FANCM: variants seen among roughly 807,000 people sequenced by gnomAD.
The protein encoded by FANCM is FA complementation group M.
Under a neutral mutation model 199.5 loss-of-function variants are expected in FANCM, and 140 were observed. The ratio of observed to expected loss-of-function variants is 0.70; its 90% CI spans 0.61 to 0.81. The LOEUF (loss-of-function observed/expected upper bound fraction) is 0.81. Ranked by LOEUF, FANCM falls within the 30% of genes least tolerant of loss-of-function variation. FANCM has a pLI of 0.00. For synonymous variants in FANCM, 840 were observed against 836.8 expected (o/e 1.00, Z -0.07); for missense variants, 2,410 against 2,421.4 (o/e 1.00, Z 0.10).
intron 6 of FANCM, 62 bp from the exon 7 acceptor site, chr14:45,154,631 TAATA>T (rs969288463): frequency 1.5e-5 from 17 of 1,110,288 alleles, no homozygotes; most frequent in South Asian, 1.1e-4. Flanking sequence ...AATTTCTTTT[TAATA>T]AATAATACAT....
intron 13 of FANCM, 92 bp downstream of exon 13, chr14:45,173,302 A>G (rs1183236186): frequency 8.3e-7 from 1 of 1,200,620 alleles, no homozygotes; most frequent in African/African-American, 1.5e-5. Context: ...AATAAGAAAT[A>G]CTTTGTTTTT....
Position 45,188,954 on chromosome 14 carries a change from A to T in FANCM, c.4932A>T (p.Arg1644=), listed in dbSNP as rs1889582783. The change falls in exon 20 of 23, where the codon CGA becomes CGT. Residue 1644 remains arginine (R), a synonymous_variant. Transcript: ENST00000267430. ...CAAATAGTAAAAAGTATAAAACTCGACGTGCAGTAATGCTAAAAGAAATGA... is the reference window on the plus strand; with the variant it reads ...CAAATAGTAAAAAGTATAAAACTCGTCGTGCAGTAATGCTAAAAGAAATGA... ...CFANSKKYKT[R]RAVMLKEMME... 3.7e-6 allele frequency: 6 copies of T among 1,614,062 alleles called. No homozygotes were observed. Among genetic ancestry groups the T allele is most frequent in the Non-Finnish European group, 5.1e-6 (6 of 1,179,966 alleles).
At chr14:45,186,355 G>T (rs184323274) in intron 18 of FANCM, among the ~76,000 whole-genome samples, 2 of 152,318 alleles carry the variant, frequency 1.3e-5, no homozygotes, top group Admixed American at 1.3e-4. Context: ...TTTACTTTCA[G>T]AAAACAGTGT....
chr14:45,138,318 T>C (rs1885668923), intron 2 of FANCM, among the ~76,000 whole-genome samples: 1 of 152,170 alleles, frequency 6.6e-6, no homozygotes, highest in African/African-American at 2.4e-5. Context: ...AGACATGAAT[T>C]TCTCTGCCAG....
intron 2 of FANCM, among the ~76,000 whole-genome samples, chr14:45,138,830 A>G (rs1885712081): frequency 6.6e-6 from 1 of 152,170 alleles, no homozygotes; most frequent in Non-Finnish European, 1.5e-5. Flanking sequence ...CCAGATATAC[A>G]TTCCAATAGG....
intron 21 of FANCM, among the ~76,000 whole-genome samples, chr14:45,197,134 G>A (rs1051604673): frequency 4.6e-5 from 7 of 152,034 alleles, no homozygotes; most frequent in Non-Finnish European, 7.4e-5. Flanking sequence ...ATTGTATGGC[G>A]AGCCCTCAAG....
chr14:45,193,711 C>T (rs191105392), intron 20 of FANCM, among the ~76,000 whole-genome samples: 25 of 151,166 alleles, frequency 1.7e-4, no homozygotes, highest in African/African-American at 5.8e-4. Context: ...GTCTTGATTC[C>T]TGTAGCTTTA....
chr14:45,177,974 A>G lies in FANCM; in HGVS notation c.4222+998A>G, dbSNP rs1387069216. ...ACCATTACACTTACAGAAAAACTAG[A>G]TGATATAGTGATAGATGTTTGATAT... On this transcript the variant is annotated intron_variant, in intron 14 of 22. Transcript: ENST00000267430. Among the ~76,000 whole-genome samples the G allele has an allele frequency of 2.6e-5, 4 of 152,338 alleles. No individual in the cohort carries two copies. The East Asian group carries it at 7.7e-4, about 29-fold the overall frequency.
intron 4 of FANCM, among the ~76,000 whole-genome samples, chr14:45,149,333 A>T (rs1001211576): frequency 2.0e-5 from 3 of 152,144 alleles, no homozygotes. Context: ...GACAAAGCAT[A>T]AGTGTATTGC....
Position 45,187,781 on chromosome 14 carries a change from A to T in FANCM, c.4673A>T (p.Asp1558Val). ...TATCTAAATTCTTATCTTTACACAG[A>T]TTCTGAAATGAGAGCTATTTACATG... ...DETQLSQAIN[D>V]SEMRAIYMKS... The change falls in exon 19 of 23, where the codon GAT becomes GTT. Residue 1558 changes from aspartate to valine, a missense_variant and splice_region_variant. Physicochemically the swap from Asp to Val is radical, Grantham distance 152 (BLOSUM62 -3). Coordinates refer to ENST00000267430, the MANE Select transcript of FANCM (RefSeq NM_020937.4). The T allele has an allele frequency of 6.9e-7, 1 of 1,449,940 alleles. No individual in the cohort carries two copies. The highest frequency in any genetic ancestry group is 9.7e-7 in the Non-Finnish European group (1 of 1,031,074). 89.8% of individuals were successfully genotyped at this position (1,449,940 alleles called of 1,614,324 possible). A position where few individuals can be genotyped will look rare whatever the true frequency, so the allele number is the denominator to read the frequency against.
chr14:45,161,127 C>A (rs1191986028), intron 9 of FANCM, among the ~76,000 whole-genome samples: 2 of 152,132 alleles, frequency 1.3e-5, no homozygotes, highest in Non-Finnish European at 2.9e-5. Context: ...TACCTAAAGT[C>A]ATTATTTCCT....
At chr14:45,183,930 A>G (rs769308175) in intron 17 of FANCM, 28 bp downstream of exon 17, 2 of 1,522,952 alleles carry the variant, frequency 1.3e-6, no homozygotes, top group African/African-American at 1.4e-5. Context: ...TTCTTTAAAT[A>G]TGTATGCATT....
chr14:45,188,919 G>T lies in FANCM; in HGVS notation c.4897G>T (p.Asp1633Tyr), dbSNP rs1889580506. 3 of 1,613,908 alleles carry T rather than the reference G, an allele frequency of 1.9e-6. No homozygotes were observed. The highest frequency in any genetic ancestry group is 4.5e-5 in the East Asian group (2 of 44,850). Residue 1633 changes from aspartate (D) to tyrosine (Y), a missense_variant, in exon 20 of 23, where the codon GAT becomes TAT. Asp to Tyr is a radical substitution (Grantham distance 160). Transcript: ENST00000267430. ...TGTTGATTTTAACTTAATAACTGATGATTGCTTTGCAAATAGTAAAAAGTA... is the reference window on the plus strand; with the variant it reads ...TGTTGATTTTAACTTAATAACTGATTATTGCTTTGCAAATAGTAAAAAGTA... ...VCVDFNLITD[D>Y]CFANSKKYKT...
intron 3 of FANCM, among the ~76,000 whole-genome samples, chr14:45,145,336 T>C (rs1271479204): frequency 6.6e-6 from 1 of 152,004 alleles, no homozygotes; most frequent in African/African-American, 2.4e-5. Flanking sequence ...TCCCACCTGG[T>C]GTCTCACTAG....
At chr14:45,186,866 A>C (rs144454194) in intron 18 of FANCM, among the ~76,000 whole-genome samples, 83 of 152,298 alleles carry the variant, frequency 5.4e-4, no homozygotes, top group African/African-American at 1.8e-3. Context: ...ATTTAGTAGA[A>C]TCTCTCCAGC....
chr14:45,176,830 A>G lies in FANCM; in HGVS notation c.4076A>G (p.Lys1359Arg), dbSNP rs758862288. 12 of 1,608,008 alleles carry G rather than the reference A, an allele frequency of 7.5e-6. No homozygotes were observed. The highest frequency in any genetic ancestry group is 1.0e-5 in the Non-Finnish European group (12 of 1,176,664). ...SFSKIRKEIL[K>R]TPDSSKEKVN... is the part of the protein sequence containing the mutation. Reference sequence around the variant, plus strand: ...TCTAAGATAAGAAAGGAAATACTTAAGACACCAGATTCTAGTAAGGAAAAA... The same window carrying G: ...TCTAAGATAAGAAAGGAAATACTTAGGACACCAGATTCTAGTAAGGAAAAA... The change falls in exon 14 of 23, where the codon AAG becomes AGG. Residue 1359 changes from lysine to arginine, a missense_variant. Coordinates refer to ENST00000267430, the MANE Select transcript of FANCM (RefSeq NM_020937.4).
At chr14:45,140,486 T>C (rs1885832765) in intron 2 of FANCM, 146 bp from the exon 3 acceptor site, 1 of 645,886 alleles carries the variant, frequency 1.5e-6, no homozygotes, top group South Asian at 1.7e-5. Flanking sequence ...CTTCAGATAA[T>C]ATAACTGGTG....
intron 11 of FANCM, among the ~76,000 whole-genome samples, chr14:45,168,738 C>A (rs1888142148): frequency 1.4e-5 from 2 of 145,550 alleles, no homozygotes; most frequent in Admixed American, 6.9e-5. Context: ...ATGTATTTTG[C>A]TAATGTATGC....
chr14:45,184,776 C>CTT (rs764598561), intron 17 of FANCM, among the ~76,000 whole-genome samples: 15 of 132,330 alleles, frequency 1.1e-4, no homozygotes, highest in Admixed American at 5.3e-4. Context: ...TTGGGATTTT[C>CTT]TTTTTTTTTT....
Sources: gnomAD v4.1 joint callset for allele counts (sites outside exome capture counted in the v4.1 genomes callset) on GRCh38, gnomAD v4.1.1 for gene constraint, MANE v1.5 for transcripts, NCBI Gene and HGNC (gene_info 2026-07-23, HGNC 2026-07-21) for gene names.